Variants in GPAT3 observed in about 807,000 individuals in gnomAD.
GPAT3 encodes 1-AGP acyltransferase 9.
In GPAT3, 53 loss-of-function variants were observed where a neutral mutation model predicts 58.8. That is an observed-to-expected ratio of 0.90 (90% confidence interval 0.72 to 1.13). The LOEUF (loss-of-function observed/expected upper bound fraction) is 1.13, where lower values mean the gene tolerates loss of function less well. GPAT3 is among the 50% of genes most tolerant of loss of function. The pLI is 0.00. For missense variants in GPAT3, 511 were observed against 527.6 expected, an observed-to-expected ratio of 0.97 and a Z score of 0.31; for synonymous variants, 197 against 187.4, an observed-to-expected ratio of 1.05 and a Z score of -0.42.
At position 83,581,731 on chromosome 4, in the gene GPAT3, C is replaced by T. The variant is rs757946383; in HGVS notation, c.378C>T (p.Leu126=). 6.2e-7 allele frequency: 1 copy of T among 1,614,156 alleles called. No individual in the cohort carries two copies. Among genetic ancestry groups the T allele is most frequent in the Non-Finnish European group, 8.5e-7 (1 of 1,180,034 alleles). ...CAGAGGAGCTAGTGTCATGGAATCTCCTCACAAGAACCAATGTAAATTTCC... is the reference window on the plus strand; with the variant it reads ...CAGAGGAGCTAGTGTCATGGAATCTTCTCACAAGAACCAATGTAAATTTCC... ...FSSEELVSWN[L]LTRTNVNFQY... The change falls in exon 3 of 12, where the codon CTC becomes CTT. Residue 126 remains leucine (L), a synonymous_variant. Transcript: ENST00000264409.
chr4:83,599,312 A>G lies in GPAT3; in HGVS notation c.1205+589A>G, dbSNP rs1282595030. Among the ~76,000 whole-genome samples the G allele has an allele frequency of 2.0e-5, 3 of 152,078 alleles. No individual in the cohort carries two copies. The East Asian group carries it at 5.8e-4, about 29-fold the overall frequency. The stretch of plus-strand genomic sequence containing the variant: ...CTTATGGTCTAAGATGGCTGTTCCA[A>G]CTCTACTCAGTGTGTACAGCAAATG... On this transcript the variant is annotated intron_variant, in intron 11 of 11. Coordinates refer to ENST00000264409, the MANE Select transcript of GPAT3 (RefSeq NM_032717.5).
Position 83,562,236 on chromosome 4 carries a change from A to AATATATATATT in GPAT3, c.208+17644_208+17645insTATATATATAT, listed in dbSNP as rs1553944945. ...TTATATATATATATAATATATATAT[A>AATATATATATT]ATATATATATATAAAATATAGTTTG... is the stretch of plus-strand genomic sequence containing the variant. On this transcript the variant is annotated intron_variant, in intron 2 of 11. Transcript: ENST00000264409. Among the ~76,000 whole-genome samples, 17 of 74,122 alleles carry AATATATATATT rather than the reference A, an allele frequency of 2.3e-4. 1 individual carries two copies. Among genetic ancestry groups the AATATATATATT allele is most frequent in the African/African-American group, 9.0e-4 (17 of 18,858 alleles). The allele number at this position is 74,122 out of a possible 152,430, so 48.6% of individuals were successfully genotyped here.
At chr4:83,558,615 C>T (rs901304941) in intron 2 of GPAT3, among the ~76,000 whole-genome samples, 1 of 152,108 alleles carries the variant, frequency 6.6e-6, no homozygotes, top group Non-Finnish European at 1.5e-5. Context: ...AGAAGACTGT[C>T]TAAACTGGAG....
At position 83,592,825 on chromosome 4, in the gene GPAT3, A is replaced by G. The variant is rs190901106; in HGVS notation, c.739-2020A>G. 1.6e-4 allele frequency among the ~76,000 whole-genome samples: 24 copies of G among 152,158 alleles called. No homozygotes were observed. The East Asian group carries it at 4.1e-3, about 26-fold the overall frequency. On this transcript the variant is annotated intron_variant, in intron 6 of 11. Transcript: ENST00000264409. ...CTCTCTTGTTCTGTCTCTCCCTATA[A>G]AAATGTGGGTAAAATGTTTGTATTT...
At chr4:83,579,720 A>G (rs1470729650) in intron 2 of GPAT3, among the ~76,000 whole-genome samples, 1 of 152,218 alleles carries the variant, frequency 6.6e-6, no homozygotes, top group Non-Finnish European at 1.5e-5. Flanking sequence ...AATTGTTTCC[A>G]TTCTCTCAGT....
intron 2 of GPAT3, among the ~76,000 whole-genome samples, chr4:83,548,497 A>G (rs1318307432): frequency 6.6e-6 from 1 of 152,126 alleles, no homozygotes; most frequent in African/African-American, 2.4e-5. Flanking sequence ...TAATTGCATT[A>G]TGACACTAGG....
Position 83,544,572 on chromosome 4 carries a change from G to T in GPAT3, c.178G>T (p.Glu60Ter), listed in dbSNP as rs1198282914. The T allele has an allele frequency of 5.0e-6, 8 of 1,614,024 alleles. No homozygotes were observed. The highest frequency in any genetic ancestry group is 6.8e-6 in the Non-Finnish European group (8 of 1,179,996). Residue 60 changes from glutamate to a stop codon, truncating the protein, a stop_gained, in exon 2 of 12, where the codon GAG becomes TAG. Coordinates refer to ENST00000264409, the MANE Select transcript of GPAT3 (RefSeq NM_032717.5). LOFTEE classifies it high-confidence loss of function. ...TIRIEKGTPK[E>*]SILKNSASVG... ...ACGAATTGAAAAAGGAACCCCAAAG[G>T]AGTCGATTCTTAAAAACTCTGCTTC...
chr4:83,584,238 G>GAT (rs1196011548), intron 3 of GPAT3, among the ~76,000 whole-genome samples: 1 of 152,190 alleles, frequency 6.6e-6, no homozygotes, highest in Non-Finnish European at 1.5e-5. Flanking sequence ...TATGATTTAA[G>GAT]ATAATAAAGC....
rs149388912 is a variant in GPAT3 at position 83,568,510 on chromosome 4, C to CT, written c.209-13037dup. On this transcript the variant is annotated intron_variant, in intron 2 of 11. Coordinates refer to ENST00000264409, the MANE Select transcript of GPAT3 (RefSeq NM_032717.5). ...TTTTTTAACTTTTCATTTGTATTCA[C>CT]TTTTTTTTTTTTTTTGAGACGGAGT... 5.5e-3 allele frequency among the ~76,000 whole-genome samples: 783 copies of CT among 141,634 alleles called. 4 individuals carry two copies. Among genetic ancestry groups the CT allele is most frequent in the African/African-American group, 8.9e-3 (348 of 39,006 alleles). The allele number at this position is 141,634 out of a possible 152,430, so 92.9% of individuals were successfully genotyped here. A position where few individuals can be genotyped will look rare whatever the true frequency, so the allele number is the denominator to read the frequency against.
chr4:83,562,248 T>A (rs1326705070), intron 2 of GPAT3, among the ~76,000 whole-genome samples: 1 of 110,760 alleles, frequency 9.0e-6, no homozygotes, highest in African/African-American at 3.9e-5. Context: ...TATATATATA[T>A]AAAATATAGT....
At chr4:83,591,658 A>C (rs535426146) in intron 6 of GPAT3, among the ~76,000 whole-genome samples, 1 of 152,298 alleles carries the variant, frequency 6.6e-6, no homozygotes, top group Admixed American at 6.5e-5. Flanking sequence ...CCCGCAGCAC[A>C]GTTCTGAGTG....
At position 83,575,233 on chromosome 4, in the gene GPAT3, T is replaced by A. The variant is rs571702119; in HGVS notation, c.209-6329T>A. ...TCCTCTCTTCCTTTCTAATCTGTAA[T>A]TTGAGGCCTAACGCATAGTGAGTGT... On this transcript the variant is annotated intron_variant, in intron 2 of 11. Coordinates refer to ENST00000264409, the MANE Select transcript of GPAT3 (RefSeq NM_032717.5). Among the ~76,000 whole-genome samples, 59 of 152,180 alleles carry A rather than the reference T, an allele frequency of 3.9e-4. 1 individual carries two copies. Among genetic ancestry groups the A allele is most frequent in the African/African-American group, 1.4e-3 (59 of 41,528 alleles).
At chr4:83,558,666 G>A (rs998452715) in intron 2 of GPAT3, among the ~76,000 whole-genome samples, 2 of 152,182 alleles carry the variant, frequency 1.3e-5, no homozygotes, top group Non-Finnish European at 2.9e-5. Context: ...AGTATATTTA[G>A]TTTATAGAAG....
At chr4:83,561,262 AT>A (rs967010492) in intron 2 of GPAT3, among the ~76,000 whole-genome samples, 3 of 152,168 alleles carry the variant, frequency 2.0e-5, no homozygotes, top group Non-Finnish European at 4.4e-5. Context: ...ACAAAACAGA[AT>A]TTTTTTAAAA....
chr4:83,548,977 A>T (rs575255278), intron 2 of GPAT3, among the ~76,000 whole-genome samples: 13 of 151,018 alleles, frequency 8.6e-5, no homozygotes, highest in African/African-American at 2.9e-4. Flanking sequence ...TCCTGTATAC[A>T]TTGATTATAT....
At position 83,575,127 on chromosome 4, in the gene GPAT3, C is replaced by T. The variant is rs1450601472; in HGVS notation, c.209-6435C>T. On this transcript the variant is annotated intron_variant, in intron 2 of 11. Transcript: ENST00000264409. ...TCCTGACCTCGTGATCCGCCCGCCT[C>T]GGCCTCCCAAAGTGCTGGGATTACA... Among the ~76,000 whole-genome samples the T allele has an allele frequency of 2.0e-5, 3 of 152,134 alleles. 1 individual carries two copies. The highest frequency in any genetic ancestry group is 6.8e-3 in the Middle Eastern group (2 of 294).
chr4:83,553,383 C>G (rs1302106916), intron 2 of GPAT3, among the ~76,000 whole-genome samples: 2 of 152,088 alleles, frequency 1.3e-5, no homozygotes, highest in Non-Finnish European at 1.5e-5. Flanking sequence ...ATAGTAGTAA[C>G]AACGTGGATA....
intron 5 of GPAT3, among the ~76,000 whole-genome samples, chr4:83,588,844 G>A (rs1361497932): frequency 1.3e-5 from 2 of 152,188 alleles, no homozygotes; most frequent in Non-Finnish European, 2.9e-5. Context: ...CAGAATTGTA[G>A]AGAATGAAGG....
At chr4:83,540,580 G>A (rs1482130925) in intron 1 of GPAT3, among the ~76,000 whole-genome samples, 2 of 152,196 alleles carry the variant, frequency 1.3e-5, no homozygotes. Flanking sequence ...TGGAATATAG[G>A]GAAGAGGAGG....
Sources: allele counts gnomAD v4.1 joint callset (sites outside exome capture counted in the v4.1 genomes callset), GRCh38; gene constraint gnomAD v4.1.1; transcripts MANE v1.5; gene names NCBI Gene and HGNC (gene_info 2026-07-23, HGNC 2026-07-21).